NCOR2: variants seen among roughly 807,000 people sequenced by gnomAD.
NCOR2 encodes CTG repeat protein 26.
In NCOR2, 81 loss-of-function variants were observed where a neutral mutation model predicts 262.9. The observed-to-expected ratio is 0.31, with a 90% CI of 0.26 to 0.37. The LOEUF is 0.37. Ranked by LOEUF, NCOR2 falls within the 10% of genes least tolerant of loss-of-function variation. NCOR2 has a pLI of 1.00. For missense variants in NCOR2, 3,385 were observed against 3,621.4 expected, an observed-to-expected ratio of 0.93 and a Z score of 1.68; for synonymous variants, 1,659 against 1,559.3, an observed-to-expected ratio of 1.06 and a Z score of -1.51.
intron 1 of NCOR2, among the ~76,000 whole-genome samples, chr12:124,515,952 C>T (rs1033055612): frequency 1.3e-5 from 2 of 152,190 alleles, no homozygotes; most frequent in African/African-American, 2.4e-5. Flanking sequence ...GTAGGAAAAT[C>T]GAGTCCCTGA....
At chr12:124,562,121 G>A (rs2052092541) in intron 1 of NCOR2, 1 of 152,148 alleles carries the variant, frequency 6.6e-6, no homozygotes, top group Admixed American at 6.5e-5. Flanking sequence ...CCAACCCTGT[G>A]CCCTCGGGTT....
At position 124,451,918 on chromosome 12, in the gene NCOR2, C is replaced by T. The variant is rs115065229; in HGVS notation, c.763-2051G>A. Among the ~76,000 whole-genome samples, 496 of 142,882 alleles carry T rather than the reference C, an allele frequency of 3.5e-3. 3 individuals carry two copies. The highest frequency in any genetic ancestry group is 0.012 in the African/African-American group (472 of 39,218). 93.7% of individuals were successfully genotyped at this position (142,882 alleles called of 152,430 possible). A position where few individuals can be genotyped will look rare whatever the true frequency, so the allele number is the denominator to read the frequency against. ...AGACAGTCTCGGCTGGTGACAATGTCGCCTTTCCCCCTGTAGCCCCAGATC... is the reference window on the plus strand; with the variant it reads ...AGACAGTCTCGGCTGGTGACAATGTTGCCTTTCCCCCTGTAGCCCCAGATC... On this transcript the variant is annotated intron_variant, in intron 6 of 46. Coordinates refer to ENST00000405201, the Ensembl canonical transcript of NCOR2.
chr12:124,339,018 TCTCA>T lies in NCOR2; in HGVS notation c.5687+984_5687+987del, dbSNP rs2036155058. ...CACCCAGCTAAGCCAGCGTCTATAC[TCTCA>T]CCCACCCACCTACCTACCTAACTCA... is the stretch of plus-strand genomic sequence containing the variant. On this transcript the variant is annotated intron_variant, in intron 37 of 46. Coordinates refer to ENST00000405201, the Ensembl canonical transcript of NCOR2. Among the ~76,000 whole-genome samples the T allele has an allele frequency of 2.8e-5, 3 of 108,294 alleles. No individual in the cohort carries two copies. In the Admixed American group the frequency reaches 3.4e-4, roughly 12 times the overall value. The allele number at this position is 108,294 out of a possible 152,430, so 71.0% of individuals were successfully genotyped here.
At chr12:124,349,173 G>A (rs946440230) in intron 28 of NCOR2, among the ~76,000 whole-genome samples, 3 of 152,316 alleles carry the variant, frequency 2.0e-5, no homozygotes, top group South Asian at 2.1e-4. Flanking sequence ...ACATGGGCCC[G>A]GCTCACTGCT....
chr12:124,335,107 C>T, intron 40 of NCOR2, 28 bp downstream of exon 42: 3 of 1,612,356 alleles, frequency 1.9e-6, no homozygotes, highest in African/African-American at 1.3e-5. Context: ...GCAAAGGTGA[C>T]AAGCAGCAGC....
At chr12:124,362,093 C>T in intron 22 of NCOR2, 33 bp downstream of exon 24, 2 of 1,272,550 alleles carry the variant, frequency 1.6e-6, no homozygotes, top group Non-Finnish European at 9.9e-7. Context: ...CCCCTGCTGC[C>T]CCAGCCCCAC....
chr12:124,374,599 C>A, intron 18 of NCOR2, 136 bp from the exon 21 acceptor site: 1 of 816,842 alleles, frequency 1.2e-6, no homozygotes, highest in Non-Finnish European at 2.0e-6. Context: ...GCTCTCCTGC[C>A]CCGACTGCCC....
intron 17 of NCOR2, among the ~76,000 whole-genome samples, chr12:124,385,016 T>C (rs2040692103): frequency 6.6e-6 from 1 of 150,836 alleles, no homozygotes; most frequent in Non-Finnish European, 1.5e-5. Flanking sequence ...GCTTGGCAAG[T>C]GTGTCAAAGA....
intron 1 of NCOR2, among the ~76,000 whole-genome samples, chr12:124,562,843 A>G (rs373588547): frequency 1.3e-5 from 2 of 152,208 alleles, no homozygotes; most frequent in Admixed American, 6.5e-5. Context: ...AAGGAATTCT[A>G]TAGTGAAGTC....
chr12:124,398,087 A>T lies in NCOR2; in HGVS notation c.1876+32T>A, dbSNP rs187807908. 10 of 1,613,854 alleles carry T rather than the reference A, an allele frequency of 6.2e-6. No individual in the cohort carries two copies. In the East Asian group the frequency reaches 2.2e-4, roughly 36 times the overall value. On this transcript the variant is annotated intron_variant, in intron 16 of 46. Coordinates refer to ENST00000405201, the Ensembl canonical transcript of NCOR2. ...GCTTCAGGCGCCCTGGATGCAAACC[A>T]ACAAGGCTTAAAGCCGCCACACACC...
chr12:124,407,256 C>T (rs572804678), intron 13 of NCOR2, among the ~76,000 whole-genome samples: 1 of 152,340 alleles, frequency 6.6e-6, no homozygotes, highest in Admixed American at 6.5e-5. Flanking sequence ...CAAAGACAGG[C>T]CAGATGGAGG....
At chr12:124,355,161 G>A (rs967368897) in intron 24 of NCOR2, 134 of 611,916 alleles carry the variant, frequency 2.2e-4, no homozygotes, top group Non-Finnish European at 3.5e-4. Context: ...CTTCCATTTC[G>A]CAGTGGGGGA....
At chr12:124,351,966 G>T (rs547247838) in intron 27 of NCOR2, among the ~76,000 whole-genome samples, 4 of 152,196 alleles carry the variant, frequency 2.6e-5, no homozygotes, top group African/African-American at 4.8e-5. Flanking sequence ...GGCAGCACCT[G>T]GTACCCCGGG....
intron 1 of NCOR2, among the ~76,000 whole-genome samples, chr12:124,532,683 A>C (rs1172566854): frequency 6.6e-6 from 1 of 152,172 alleles, no homozygotes; most frequent in African/African-American, 2.4e-5. Context: ...CCACAGGAGG[A>C]AGGCTCCCCA....
chr12:124,565,948 G>T (rs1181382785), intron 1 of NCOR2, among the ~76,000 whole-genome samples: 1 of 152,098 alleles, frequency 6.6e-6, no homozygotes, highest in Non-Finnish European at 1.5e-5. Context: ...GAGGTACACA[G>T]CCTGCCCCGG....
intron 38 of NCOR2, chr12:124,335,857 A>G: frequency 1.8e-6 from 1 of 552,798 alleles, no homozygotes; most frequent in Non-Finnish European, 3.2e-6. Context: ...GGACAGAGAC[A>G]GACAGAGAGG....
chr12:124,498,130 A>G (rs1263367233), upstream of NCOR2, among the ~76,000 whole-genome samples: 1 of 152,166 alleles, frequency 6.6e-6, no homozygotes, highest in East Asian at 1.9e-4. Context: ...CCCTCTTTCA[A>G]GGGCACCACG....
chr12:124,390,464 G>A (rs1414967348), intron 16 of NCOR2, among the ~76,000 whole-genome samples: 14 of 129,770 alleles, frequency 1.1e-4, no homozygotes, highest in East Asian at 6.9e-4. Context: ...TTCCTTGCCC[G>A]CCCCTCCAAA....
chr12:124,427,553 G>A (rs369887021), intron 10 of NCOR2, among the ~76,000 whole-genome samples: 5 of 152,284 alleles, frequency 3.3e-5, no homozygotes, highest in South Asian at 4.1e-4. Context: ...CCAGCTGCCC[G>A]GCCGCCCACA....
Sources: gnomAD v4.1 joint callset for allele counts (sites outside exome capture counted in the v4.1 genomes callset) on GRCh38, gnomAD v4.1.1 for gene constraint, MANE v1.5 for transcripts, NCBI Gene and HGNC (gene_info 2026-07-23, HGNC 2026-07-21) for gene names.